The following COL5A1 variants were observed in gnomAD, a reference collection of about 807,000 sequenced individuals.
COL5A1 encodes the protein collagen alpha-1(V) chain.
In COL5A1, 16 loss-of-function variants were observed where a neutral mutation model predicts 263.7. The ratio of observed to expected loss-of-function variants is 0.06; its 90% CI spans 0.04 to 0.09. COL5A1 has a LOEUF of 0.09. Among genes scored for constraint, COL5A1 ranks in the 10% least tolerant of loss-of-function variants. The probability of loss-of-function intolerance (pLI) is 1.00; values close to 1 mark genes in which losing one functional copy is unlikely to be tolerated. For missense variants in COL5A1, 2,036 were observed against 2,540.5 expected (o/e 0.80, Z 4.27); for synonymous variants, 1,012 against 1,004.5 (o/e 1.01, Z -0.14).
rs760979897 is a variant in COL5A1 at position 134,834,937 on chromosome 9, AC to A, written c.5137-31del. ...GGGCTTTGTTGCTGTGTGTGTCCCC[AC>A]CCTGCTGAGCCCCAACACCCCTGTC... is the stretch of plus-strand genomic sequence containing the variant. On this transcript the variant is annotated intron_variant, in intron 64 of 65. Coordinates refer to ENST00000371817, the MANE Select transcript of COL5A1 (RefSeq NM_000093.5). 3.4e-6 allele frequency: 5 copies of A among 1,488,714 alleles called. No homozygotes were observed. In the South Asian group the frequency reaches 5.7e-5, roughly 17 times the overall value. The allele number at this position is 1,488,714 out of a possible 1,614,324, so 92.2% of individuals were successfully genotyped here.
At position 134,795,145 on chromosome 9, in the gene COL5A1, T is replaced by C. The variant is rs1017489973; in HGVS notation, c.2745+19T>C. On this transcript the variant is annotated intron_variant, in intron 33 of 65. Coordinates refer to ENST00000371817, the MANE Select transcript of COL5A1 (RefSeq NM_000093.5). ...CCCAACGGTAACCACCCTTTCAGCTTGTGGGCATGTTTGGGAAACGGGAGC... is the reference window on the plus strand; with the variant it reads ...CCCAACGGTAACCACCCTTTCAGCTCGTGGGCATGTTTGGGAAACGGGAGC... 1.2e-6 allele frequency: 2 copies of C among 1,613,880 alleles called. No homozygotes were observed. Among genetic ancestry groups the C allele is most frequent in the Non-Finnish European group, 1.7e-6 (2 of 1,179,968 alleles).
intron 28 of COL5A1, among the ~76,000 whole-genome samples, chr9:134,780,924 A>G (rs7867006): frequency 0.026 from 3,904 of 152,302 alleles, 47 homozygotes; most frequent in East Asian, 0.036. Context: ...TCGCCCTGCC[A>G]TGCCGTGTAG....
At chr9:134,775,556 G>A (rs1484356327) in intron 27 of COL5A1, among the ~76,000 whole-genome samples, 1 of 152,210 alleles carries the variant, frequency 6.6e-6, no homozygotes, top group African/African-American at 2.4e-5. Context: ...CCAGCTAACT[G>A]TGTTTGCTCT....
intron 4 of COL5A1, among the ~76,000 whole-genome samples, chr9:134,702,029 G>A (rs1320383468): frequency 6.6e-6 from 1 of 152,178 alleles, no homozygotes; most frequent in Admixed American, 6.5e-5. Flanking sequence ...GCCCCGGGTG[G>A]GGGCGTTGGA....
intron 50 of COL5A1, 38 bp from the exon 51 acceptor site, chr9:134,815,538 C>A: frequency 6.2e-7 from 1 of 1,605,412 alleles, no homozygotes. Flanking sequence ...AGTCAGGTTG[C>A]TGATGGCCTT....
chr9:134,806,127 C>T, intron 41 of COL5A1, 62 bp from the exon 42 acceptor site: 1 of 1,267,364 alleles, frequency 7.9e-7, no homozygotes, highest in South Asian at 1.3e-5. Flanking sequence ...TGGTGCTTTA[C>T]AAAGTCACGA....
rs75558962 is a variant in COL5A1, at chr9:134,757,987, C to T, written c.1882-256C>T. Among the ~76,000 whole-genome samples the T allele has an allele frequency of 0.022, 3,307 of 152,246 alleles. 118 individuals carry two copies. The highest frequency in any genetic ancestry group is 0.076 in the African/African-American group (3,140 of 41,524). ...CTGAAATACCGCATGACTAAGGACC[C>T]GTCGGGGCCTGGGACTTGGGGATGA... On this transcript the variant is annotated intron_variant, in intron 17 of 65. Transcript: ENST00000371817. This position sits in a 1 kb window ranked among gnomAD's most constrained non-coding sequence, Gnocchi z 6.2.
intron 18 of COL5A1, among the ~76,000 whole-genome samples, chr9:134,760,927 A>T: frequency 6.7e-6 from 1 of 149,336 alleles, no homozygotes; most frequent in East Asian, 2.0e-4. Flanking sequence ...ACACGTACAC[A>T]CATGCACACA....
At chr9:134,661,701 C>T (rs568316617) in intron 1 of COL5A1, among the ~76,000 whole-genome samples, 60 of 152,268 alleles carry the variant, frequency 3.9e-4, no homozygotes, top group African/African-American at 1.4e-3. Context: ...CACCCAGCAC[C>T]TTCTTAGCTG....
rs1588492554 is a variant in COL5A1 at position 134,742,915 on chromosome 9, C to T, written c.1494+4107C>T. 2.0e-5 allele frequency among the ~76,000 whole-genome samples: 3 copies of T among 152,278 alleles called. No individual in the cohort carries two copies. In the East Asian group the frequency reaches 5.8e-4, roughly 29 times the overall value. ...GGGGAAGGAGAGGGCTGGGGACCATCAGTAAAGATTCAGGCCCCAGTGAGT... is the reference window on the plus strand; with the variant it reads ...GGGGAAGGAGAGGGCTGGGGACCATTAGTAAAGATTCAGGCCCCAGTGAGT... On this transcript the variant is annotated intron_variant, in intron 11 of 65. Transcript: ENST00000371817. The surrounding 1 kb of genome is among the most constrained non-coding windows in gnomAD (Gnocchi z 4.6).
intron 11 of COL5A1, among the ~76,000 whole-genome samples, chr9:134,748,151 A>C (rs1309502221): frequency 6.7e-6 from 1 of 150,338 alleles, no homozygotes; most frequent in Non-Finnish European, 1.5e-5. Flanking sequence ...ACATGCATTC[A>C]CACATTCCAC....
In COL5A1 at chr9:134,818,348, G is replaced by A. The variant is rs550963303; in HGVS notation, c.4231-308G>A. Among the ~76,000 whole-genome samples, 5 of 152,272 alleles carry A rather than the reference G, an allele frequency of 3.3e-5. No individual in the cohort carries two copies. The East Asian group carries it at 5.8e-4, about 18-fold the overall frequency. On this transcript the variant is annotated intron_variant, in intron 54 of 65. Transcript: ENST00000371817. This position sits in a 1 kb window ranked among gnomAD's most constrained non-coding sequence, Gnocchi z 6.0. ...CACTGTCTGCCTCCCTCCTGGAGGCGCCTGTTGTTAAGGAGACGGGAGGTT... is the reference window on the plus strand; with the variant it reads ...CACTGTCTGCCTCCCTCCTGGAGGCACCTGTTGTTAAGGAGACGGGAGGTT...
chr9:134,676,190 T>C (rs1483731142), intron 1 of COL5A1, among the ~76,000 whole-genome samples: 3 of 152,204 alleles, frequency 2.0e-5, no homozygotes, highest in Non-Finnish European at 4.4e-5. Flanking sequence ...TTTCCAGAAG[T>C]AACCCCTCAA....
intron 23 of COL5A1, 92 bp downstream of exon 23, chr9:134,767,145 T>C (rs1011189357): frequency 6.7e-7 from 1 of 1,495,690 alleles, no homozygotes; most frequent in Non-Finnish European, 9.3e-7. Context: ...CGGGGAGCTC[T>C]GTCCCCTCCA....
intron 1 of COL5A1, among the ~76,000 whole-genome samples, chr9:134,689,519 G>A (rs1315426978): frequency 6.6e-6 from 1 of 152,220 alleles, no homozygotes; most frequent in Non-Finnish European, 1.5e-5. Flanking sequence ...CTCAAACAGT[G>A]TGGCCAGTCT....
chr9:134,687,332 C>T (rs1227410648), intron 1 of COL5A1, among the ~76,000 whole-genome samples: 3 of 152,208 alleles, frequency 2.0e-5, no homozygotes, highest in Non-Finnish European at 2.9e-5. Context: ...CCCCAGACTG[C>T]AGAGCAGGAT....
Position 134,818,237 on chromosome 9 carries a change from G to A in COL5A1, c.4230+406G>A, listed in dbSNP as rs372175048. ...GCGGGGCCCGTGCAGAAGATGGGAC[G>A]CCGTCACCCATGCAGTTGGCTTGGG... On this transcript the variant is annotated intron_variant, in intron 54 of 65. Coordinates refer to ENST00000371817, the MANE Select transcript of COL5A1 (RefSeq NM_000093.5). This position sits in a 1 kb window ranked among gnomAD's most constrained non-coding sequence, Gnocchi z 6.0. Among the ~76,000 whole-genome samples, 3 of 152,222 alleles carry A rather than the reference G, an allele frequency of 2.0e-5. No individual in the cohort carries two copies. The highest frequency in any genetic ancestry group is 4.4e-5 in the Non-Finnish European group (3 of 68,026).
chr9:134,830,138 C>T, intron 64 of COL5A1, 94 bp downstream of exon 64: 1 of 1,612,520 alleles, frequency 6.2e-7, no homozygotes, highest in South Asian at 1.1e-5. Context: ...CAAAGAGCAG[C>T]CTTCCACCTG....
intron 27 of COL5A1, among the ~76,000 whole-genome samples, chr9:134,775,647 C>T (rs894838719): frequency 6.6e-6 from 1 of 152,192 alleles, no homozygotes; most frequent in South Asian, 2.1e-4. Context: ...CCTAGGCGCA[C>T]GCGGACCAGC....
Sources: allele counts gnomAD v4.1 joint callset (sites outside exome capture counted in the v4.1 genomes callset), GRCh38; gene constraint gnomAD v4.1.1; non-coding constraint Gnocchi (gnomAD v3.1); transcripts MANE v1.5; gene names NCBI Gene and HGNC (gene_info 2026-07-23, HGNC 2026-07-21).